GBE1: variants seen among roughly 807,000 people sequenced by gnomAD.
GBE1 encodes the protein 1,4-alpha-glucan-branching enzyme.
Under a neutral mutation model 88.8 loss-of-function variants are expected in GBE1, and 70 were observed. The ratio of observed to expected loss-of-function variants is 0.79; its 90% confidence interval spans 0.65 to 0.96. The LOEUF (loss-of-function observed/expected upper bound fraction) is 0.96, where lower values mean the gene tolerates loss of function less well. GBE1 is among the 40% of genes least tolerant of loss of function. The pLI is 0.00. For missense variants in GBE1, 872 were observed against 871.0 expected, an observed-to-expected ratio of 1.00 and a Z score of -0.01; for synonymous variants, 284 against 300.1, an observed-to-expected ratio of 0.95 and a Z score of 0.56.
intron 1 of GBE1, among the ~76,000 whole-genome samples, chr3:81,727,368 G>A (rs1245103363): frequency 6.6e-6 from 1 of 152,172 alleles, no homozygotes; most frequent in Non-Finnish European, 1.5e-5. Context: ...GGCATCAGAA[G>A]ATCTCTAATC....
chr3:81,702,198 T>G (rs1705705490), intron 2 of GBE1, among the ~76,000 whole-genome samples: 1 of 149,972 alleles, frequency 6.7e-6, no homozygotes, highest in Non-Finnish European at 1.5e-5. Context: ...GAGTATATTT[T>G]CACGTAGGTT....
At chr3:81,640,003 T>C (rs2107053770) in intron 7 of GBE1, among the ~76,000 whole-genome samples, 1 of 152,324 alleles carries the variant, frequency 6.6e-6, no homozygotes, top group South Asian at 2.1e-4. Context: ...TTTGGCTTAC[T>C]AAGCAGCAAT....
chr3:81,628,326 A>C (rs1402649657), intron 7 of GBE1, among the ~76,000 whole-genome samples: 1 of 152,136 alleles, frequency 6.6e-6, no homozygotes, highest in Non-Finnish European at 1.5e-5. Context: ...TTCTTGAAAG[A>C]ATGAATATCA....
intron 1 of GBE1, among the ~76,000 whole-genome samples, chr3:81,727,323 T>C (rs1706126947): frequency 6.6e-6 from 1 of 152,176 alleles, no homozygotes. Flanking sequence ...ATTACTAATC[T>C]ACCATGAGAA....
chr3:81,605,777 T>C (rs1704094404), intron 7 of GBE1, among the ~76,000 whole-genome samples: 1 of 152,126 alleles, frequency 6.6e-6, no homozygotes, highest in African/African-American at 2.4e-5. Context: ...TCAGTTGTGG[T>C]AGGGAGAAAG....
intron 1 of GBE1, among the ~76,000 whole-genome samples, chr3:81,718,374 T>C (rs1036399993): frequency 1.3e-5 from 2 of 152,192 alleles, no homozygotes; most frequent in African/African-American, 2.4e-5. Flanking sequence ...GACCAGTATC[T>C]TATGGAGTAC....
intron 1 of GBE1, among the ~76,000 whole-genome samples, chr3:81,723,002 A>C (rs1449344350): frequency 2.0e-5 from 3 of 150,930 alleles, no homozygotes; most frequent in Admixed American, 1.3e-4. Flanking sequence ...TCTAATACCT[A>C]ATCAGATATC....
intron 7 of GBE1, among the ~76,000 whole-genome samples, chr3:81,627,348 G>C (rs77859581): frequency 0.02 from 3,048 of 152,276 alleles, 98 homozygotes; most frequent in African/African-American, 0.069. Context: ...GAGGAATAAA[G>C]TGGGAAACAA....
intron 7 of GBE1, among the ~76,000 whole-genome samples, chr3:81,627,550 G>A (rs1322575244): frequency 6.6e-6 from 1 of 152,008 alleles, no homozygotes; most frequent in Non-Finnish European, 1.5e-5. Context: ...AGAGAATCTG[G>A]ATTTGAAAAA....
intron 1 of GBE1, among the ~76,000 whole-genome samples, chr3:81,755,477 T>C (rs1480424709): frequency 1.3e-5 from 2 of 152,118 alleles, no homozygotes; most frequent in Non-Finnish European, 2.9e-5. Flanking sequence ...TGGGTATATA[T>C]CCAAAAGAAA....
At chr3:81,606,700 T>A (rs1704106568) in intron 7 of GBE1, among the ~76,000 whole-genome samples, 1 of 152,228 alleles carries the variant, frequency 6.6e-6, no homozygotes, top group African/African-American at 2.4e-5. Flanking sequence ...TAGCCAAATG[T>A]CAATTAGATT....
At chr3:81,498,984 T>A in intron 15 of GBE1, 126 bp downstream of exon 15, 1 of 654,476 alleles carries the variant, frequency 1.5e-6, no homozygotes, top group South Asian at 2.0e-5. Flanking sequence ...CCCCTCTCCC[T>A]AACCCCTTTC....
At chr3:81,631,974 A>G (rs563098676) in intron 7 of GBE1, among the ~76,000 whole-genome samples, 14 of 151,940 alleles carry the variant, frequency 9.2e-5, no homozygotes, top group Admixed American at 3.9e-4. Context: ...CCACCCCCCA[A>G]TAGGCCCTGG....
chr3:81,612,370 A>G (rs1704195002), intron 7 of GBE1: 1 of 791,026 alleles, frequency 1.3e-6, no homozygotes, highest in East Asian at 3.4e-5. Flanking sequence ...AAGATGGATC[A>G]CCACGCTCAT....
intron 3 of GBE1, among the ~76,000 whole-genome samples, chr3:81,661,112 C>A (rs980935404): frequency 6.6e-6 from 1 of 151,084 alleles, no homozygotes; most frequent in African/African-American, 2.4e-5. Context: ...AAGCATGAAA[C>A]ATTTTTATTT....
intron 2 of GBE1, among the ~76,000 whole-genome samples, chr3:81,675,550 C>T (rs894404232): frequency 6.6e-6 from 1 of 151,960 alleles, no homozygotes; most frequent in Non-Finnish European, 1.5e-5. Flanking sequence ...GATATTCACA[C>T]CGAAACATTG....
chr3:81,589,781 TATC>T (rs977831082), intron 9 of GBE1, among the ~76,000 whole-genome samples: 27 of 152,040 alleles, frequency 1.8e-4, no homozygotes, highest in Admixed American at 3.9e-4. Flanking sequence ...TTGCCATAAA[TATC>T]ATTGACAAAA....
chr3:81,587,849 A>T (rs1165246593), intron 9 of GBE1, among the ~76,000 whole-genome samples: 1 of 152,204 alleles, frequency 6.6e-6, no homozygotes, highest in African/African-American at 2.4e-5. Context: ...TGAAATGACC[A>T]TGTGATGTAG....
intron 7 of GBE1, among the ~76,000 whole-genome samples, chr3:81,633,836 A>C (rs1704551670): frequency 6.6e-6 from 1 of 152,176 alleles, no homozygotes; most frequent in Non-Finnish European, 1.5e-5. Context: ...CTCCTAAGGC[A>C]CATTTTGGAA....
Sources: gnomAD v4.1 joint callset for allele counts (sites outside exome capture counted in the v4.1 genomes callset) on GRCh38, gnomAD v4.1.1 for gene constraint, MANE v1.5 for transcripts, NCBI Gene and HGNC (gene_info 2026-07-23, HGNC 2026-07-21) for gene names.